The following PRKN variants were observed in gnomAD, a reference collection of about 807,000 sequenced individuals.
The protein encoded by PRKN is E3 ubiquitin-protein ligase parkin.
In PRKN, 56 loss-of-function variants were observed where a neutral mutation model predicts 59.5. That is an observed-to-expected ratio of 0.94 (90% CI 0.76 to 1.18). The LOEUF (loss-of-function observed/expected upper bound fraction) is 1.18. Ranked by LOEUF, PRKN falls within the 50% of genes most tolerant of loss-of-function variation. PRKN has a pLI of 0.00. For synonymous variants in PRKN, 250 were observed against 222.1 expected (o/e 1.13, Z -1.12); for missense variants, 657 against 596.4 (o/e 1.10, Z -1.06).
At chr6:162,709,248 T>C (rs1778441142) in intron 1 of PRKN, among the ~76,000 whole-genome samples, 1 of 152,132 alleles carries the variant, frequency 6.6e-6, no homozygotes, top group Admixed American at 6.5e-5. Context: ...CGCACTTGAA[T>C]TACACTTGAA....
intron 7 of PRKN, among the ~76,000 whole-genome samples, chr6:161,616,884 CT>C (rs1782718804): frequency 6.6e-6 from 1 of 152,116 alleles, no homozygotes; most frequent in Non-Finnish European, 1.5e-5. Flanking sequence ...GTGCATGTGT[CT>C]TTACAGTAAA....
chr6:161,651,298 G>A (rs1562584101), intron 7 of PRKN, among the ~76,000 whole-genome samples: 1 of 152,126 alleles, frequency 6.6e-6, no homozygotes, highest in African/African-American at 2.4e-5. Flanking sequence ...CTAATTATCT[G>A]TACTCTTCTT....
intron 1 of PRKN, among the ~76,000 whole-genome samples, chr6:162,526,606 C>T (rs1485317392): frequency 3.4e-5 from 5 of 147,038 alleles, no homozygotes; most frequent in Non-Finnish European, 6.0e-5. Flanking sequence ...GCCGAGATCG[C>T]GCTTTAAAAA....
At chr6:162,022,969 T>C (rs1783268173) in intron 5 of PRKN, among the ~76,000 whole-genome samples, 1 of 152,122 alleles carries the variant, frequency 6.6e-6, no homozygotes, top group African/African-American at 2.4e-5. Flanking sequence ...TGCTTGTAGG[T>C]ATGAGGCTTT....
At chr6:162,132,310 C>T (rs1017282184) in intron 4 of PRKN, among the ~76,000 whole-genome samples, 5 of 152,136 alleles carry the variant, frequency 3.3e-5, no homozygotes, top group African/African-American at 1.2e-4. Context: ...CAGTGCCTGA[C>T]ATATGCTACC....
At chr6:162,373,966 G>A (rs1022343336) in intron 2 of PRKN, among the ~76,000 whole-genome samples, 2 of 152,176 alleles carry the variant, frequency 1.3e-5, no homozygotes, top group African/African-American at 4.8e-5. Flanking sequence ...ACACCTTGGT[G>A]TCTATTTGAA....
intron 7 of PRKN, among the ~76,000 whole-genome samples, chr6:161,648,000 T>C (rs1265666892): frequency 1.3e-5 from 2 of 152,174 alleles, no homozygotes; most frequent in East Asian, 3.9e-4. Flanking sequence ...TGCTATTTCA[T>C]CTCTTTGTTT....
Position 161,797,722 on chromosome 6 carries a change from G to C in PRKN, c.735-11814C>G, listed in dbSNP as rs367729135. Among the ~76,000 whole-genome samples the C allele has an allele frequency of 3.0e-4, 45 of 152,282 alleles. 1 individual carries two copies. In the South Asian group the frequency reaches 8.3e-3, roughly 28 times the overall value. ...TGAGAAGGTACTGTGAAATTTCTAA[G>C]GTATCATTAGATGAGTTCAGCATTA... On this transcript the variant is annotated intron_variant, in intron 6 of 11. Coordinates refer to ENST00000366898, the MANE Select transcript of PRKN (RefSeq NM_004562.3).
chr6:162,316,196 C>G (rs932466056), intron 2 of PRKN, among the ~76,000 whole-genome samples: 1 of 151,782 alleles, frequency 6.6e-6, no homozygotes, highest in South Asian at 2.1e-4. Context: ...ATGTATAGGA[C>G]CATGAAAAAT....
intron 4 of PRKN, among the ~76,000 whole-genome samples, chr6:162,104,179 T>C (rs904394723): frequency 7.9e-5 from 12 of 152,192 alleles, no homozygotes; most frequent in Admixed American, 6.5e-4. Context: ...GAAGAGCTAA[T>C]GGCAGCACCT....
chr6:162,079,662 A>G (rs1330439330), intron 4 of PRKN, among the ~76,000 whole-genome samples: 3 of 151,890 alleles, frequency 2.0e-5, no homozygotes, highest in Admixed American at 1.3e-4. Flanking sequence ...TCATCTGCCC[A>G]CTTCCCTCCT....
chr6:161,380,702 G>A (rs958781194), intron 10 of PRKN, among the ~76,000 whole-genome samples: 4 of 152,170 alleles, frequency 2.6e-5, no homozygotes, highest in Non-Finnish European at 5.9e-5. Flanking sequence ...TGTAGGAAGT[G>A]TAACACAACG....
At chr6:161,408,614 G>C (rs1787386822) in intron 9 of PRKN, among the ~76,000 whole-genome samples, 1 of 151,838 alleles carries the variant, frequency 6.6e-6, no homozygotes, top group Non-Finnish European at 1.5e-5. Context: ...ATGGGTCAGG[G>C]GGTCGGCGAG....
chr6:162,251,530 G>C (rs1310167644), intron 3 of PRKN, among the ~76,000 whole-genome samples: 1 of 152,132 alleles, frequency 6.6e-6, no homozygotes, highest in Non-Finnish European at 1.5e-5. Context: ...GATATGCTTA[G>C]CAGTTGAAGA....
chr6:162,014,462 C>A (rs1056068716), intron 5 of PRKN, among the ~76,000 whole-genome samples: 3 of 152,184 alleles, frequency 2.0e-5, no homozygotes, highest in Non-Finnish European at 2.9e-5. Flanking sequence ...TGCTTCCTCA[C>A]TGTGACTCAG....
intron 7 of PRKN, among the ~76,000 whole-genome samples, chr6:161,659,462 T>A (rs1784467291): frequency 6.6e-6 from 1 of 152,080 alleles, no homozygotes; most frequent in Non-Finnish European, 1.5e-5. Flanking sequence ...TATGTTGGCA[T>A]GAGATTGAAG....
At position 161,468,519 on chromosome 6, in the gene PRKN, T is replaced by A. The variant is rs1355324436; in HGVS notation, c.1083+80335A>T. Among the ~76,000 whole-genome samples, 1 of 152,194 alleles carries A rather than the reference T, an allele frequency of 6.6e-6. No individual in the cohort carries two copies. The highest frequency in any genetic ancestry group is 1.9e-4 in the East Asian group (1 of 5,192). On this transcript the variant is annotated intron_variant, in intron 9 of 11. Coordinates refer to ENST00000366898, the MANE Select transcript of PRKN (RefSeq NM_004562.3). This position sits in a 1 kb window ranked among gnomAD's most constrained non-coding sequence, Gnocchi z 5.9. ...TCCCCATTTATTGACATGTGCTTAT[T>A]AACATGTTTAGAAACTTAAAAATGC...
chr6:162,366,931 T>C (rs1179001384), intron 2 of PRKN, among the ~76,000 whole-genome samples: 1 of 152,122 alleles, frequency 6.6e-6, no homozygotes, highest in Non-Finnish European at 1.5e-5. Context: ...AATTAAAATG[T>C]TTATTCCCTT....
intron 6 of PRKN, among the ~76,000 whole-genome samples, chr6:161,928,332 A>T (rs1187639603): frequency 6.6e-6 from 1 of 152,214 alleles, no homozygotes; most frequent in African/African-American, 2.4e-5. Flanking sequence ...ATAATTTATG[A>T]TGGTTAAAAA....
Sources: allele counts gnomAD v4.1 joint callset (sites outside exome capture counted in the v4.1 genomes callset), GRCh38; gene constraint gnomAD v4.1.1; non-coding constraint Gnocchi (gnomAD v3.1); transcripts MANE v1.5; gene names NCBI Gene and HGNC (gene_info 2026-07-23, HGNC 2026-07-21).